RASAL2: variants seen among roughly 807,000 people sequenced by gnomAD.
RASAL2 encodes ras GTPase-activating protein nGAP.
A neutral mutation model predicts 128.9 loss-of-function variants in RASAL2; 58 were observed. The ratio of observed to expected loss-of-function variants is 0.45; its 90% CI spans 0.36 to 0.56. The LOEUF (loss-of-function observed/expected upper bound fraction) is 0.56. Ranked by LOEUF, RASAL2 falls within the 20% of genes least tolerant of loss-of-function variation. The pLI, the probability that RASAL2 is intolerant of heterozygous loss-of-function variation, is 0.00. For missense variants in RASAL2, 1,360 were observed against 1,601.6 expected, an observed-to-expected ratio of 0.85 and a Z score of 2.57; for synonymous variants, 561 against 580.8, an observed-to-expected ratio of 0.97 and a Z score of 0.49.
rs972260303 is a variant in RASAL2, at chr1:178,330,764, G to A, written c.457+30646G>A. The stretch of plus-strand genomic sequence containing the variant: ...GAAAAAAATACTATGTCAAATGGGG[G>A]GTGAATGATAAAAATCGCTCTCATT... On this transcript the variant is annotated intron_variant, in intron 3 of 17. Transcript: ENST00000367649. Among the ~76,000 whole-genome samples, 3 of 152,106 alleles carry A rather than the reference G, an allele frequency of 2.0e-5. No individual in the cohort carries two copies. The South Asian group carries it at 6.2e-4, about 32-fold the overall frequency.
rs1055539355 is a variant in RASAL2, at chr1:178,384,445, G to A, written c.458-5655G>A. 4.0e-5 allele frequency among the ~76,000 whole-genome samples: 6 copies of A among 151,834 alleles called. No individual in the cohort carries two copies. In the East Asian group the frequency reaches 5.8e-4, roughly 15 times the overall value. On this transcript the variant is annotated intron_variant, in intron 3 of 17. Coordinates refer to ENST00000367649, the MANE Select transcript of RASAL2 (RefSeq NM_170692.4). ...GAGTAATAATTGTTACTATCTCAGG[G>A]GCTACAGCAAAGATTAAGTAAGTTA...
chr1:178,381,493 G>A (rs1672284888), intron 3 of RASAL2, among the ~76,000 whole-genome samples: 1 of 152,152 alleles, frequency 6.6e-6, no homozygotes, highest in African/African-American at 2.4e-5. Flanking sequence ...GTGATGTTGA[G>A]TGTAAATGAT....
At chr1:178,382,511 G>A (rs1672339191) in intron 3 of RASAL2, among the ~76,000 whole-genome samples, 1 of 152,036 alleles carries the variant, frequency 6.6e-6, no homozygotes, top group Non-Finnish European at 1.5e-5. Flanking sequence ...ATGGAGAACA[G>A]GATAGAATGC....
Position 178,393,629 on chromosome 1 carries a change from C to A in RASAL2, c.564+3423C>A, listed in dbSNP as rs183111086. ...TGGTCCATGGCCCTGGGGTTGAGGA[C>A]CCCTGATCTATAGGAGAGTTTCTTC... is the stretch of plus-strand genomic sequence containing the variant. On this transcript the variant is annotated intron_variant, in intron 4 of 17. Transcript: ENST00000367649. Among the ~76,000 whole-genome samples the A allele has an allele frequency of 1.4e-4, 22 of 152,314 alleles. No individual in the cohort carries two copies. The Middle Eastern group carries it at 0.01, about 71-fold the overall frequency.
intron 12 of RASAL2, among the ~76,000 whole-genome samples, chr1:178,455,022 A>C (rs555916624): frequency 6.6e-6 from 1 of 152,142 alleles, no homozygotes; most frequent in Non-Finnish European, 1.5e-5. Flanking sequence ...GTATAGATTT[A>C]GCTAAGAAAA....
chr1:178,199,888 C>T (rs955093730), intron 1 of RASAL2, among the ~76,000 whole-genome samples: 9 of 152,090 alleles, frequency 5.9e-5, no homozygotes, highest in East Asian at 1.9e-4. Context: ...CAGCTGCCAG[C>T]GTGGCCAGAA....
chr1:178,300,886 T>C (rs1667734869), intron 3 of RASAL2, among the ~76,000 whole-genome samples: 1 of 152,214 alleles, frequency 6.6e-6, no homozygotes, highest in Admixed American at 6.5e-5. Context: ...TGGTGCTTTA[T>C]ATTGTTGTGT....
intron 3 of RASAL2, among the ~76,000 whole-genome samples, chr1:178,326,731 A>G: frequency 6.6e-6 from 1 of 151,998 alleles, no homozygotes; most frequent in Non-Finnish European, 1.5e-5. Flanking sequence ...TTTAGTAGAG[A>G]TGGGGTTTCT....
In RASAL2 at chr1:178,295,885, G is replaced by A. The variant is rs1341150443; in HGVS notation, c.331-4107G>A. 3.3e-5 allele frequency among the ~76,000 whole-genome samples: 5 copies of A among 152,144 alleles called. No individual in the cohort carries two copies. In the East Asian group the frequency reaches 9.6e-4, roughly 29 times the overall value. On this transcript the variant is annotated intron_variant, in intron 2 of 17. Transcript: ENST00000367649. ...ATCTTTTTAGCATTCTTTAGGAAAA[G>A]AAATAAGAAGAGCTTTCTGATGCTA...
chr1:178,337,413 A>T (rs977327935), intron 3 of RASAL2, among the ~76,000 whole-genome samples: 10 of 152,214 alleles, frequency 6.6e-5, no homozygotes, highest in African/African-American at 2.4e-4. Flanking sequence ...CATTCAAATG[A>T]TAAACAATGG....
intron 14 of RASAL2, among the ~76,000 whole-genome samples, chr1:178,460,434 A>AT (rs1678108776): frequency 6.6e-6 from 1 of 151,976 alleles, no homozygotes; most frequent in Non-Finnish European, 1.5e-5. Context: ...CATTTATAAC[A>AT]TTTTTTCTTT....
At chr1:178,327,524 G>GT (rs149504823) in intron 3 of RASAL2, among the ~76,000 whole-genome samples, 2,085 of 151,728 alleles carry the variant, frequency 0.014, 49 homozygotes, top group African/African-American at 0.047. Flanking sequence ...AATTTTTTGT[G>GT]TTTTTTTAAT....
chr1:178,308,207 A>T (rs991546960), intron 3 of RASAL2, among the ~76,000 whole-genome samples: 1 of 152,118 alleles, frequency 6.6e-6, no homozygotes, highest in Non-Finnish European at 1.5e-5. Flanking sequence ...ATAATTTAAC[A>T]TAGTATGCCT....
chr1:178,347,724 C>T (rs1670224722), intron 3 of RASAL2, among the ~76,000 whole-genome samples: 1 of 152,160 alleles, frequency 6.6e-6, no homozygotes, highest in Non-Finnish European at 1.5e-5. Flanking sequence ...TAAACTTGTA[C>T]AGTTACTTTG....
intron 1 of RASAL2, among the ~76,000 whole-genome samples, chr1:178,189,699 G>A (rs1320530617): frequency 3.9e-5 from 6 of 152,044 alleles, no homozygotes; most frequent in Non-Finnish European, 8.8e-5. Context: ...TCAAAAGTAT[G>A]GTGTATACAT....
intron 1 of RASAL2, among the ~76,000 whole-genome samples, chr1:178,173,567 C>T (rs1184372203): frequency 6.6e-6 from 1 of 151,996 alleles, no homozygotes; most frequent in Non-Finnish European, 1.5e-5. Flanking sequence ...AGATGATTTT[C>T]AGTAGATCTG....
intron 1 of RASAL2, among the ~76,000 whole-genome samples, chr1:178,126,132 T>C (rs1472505040): frequency 6.6e-6 from 1 of 152,182 alleles, no homozygotes; most frequent in African/African-American, 2.4e-5. Context: ...AAGATAAGTA[T>C]CTTGGACAAG....
intron 3 of RASAL2, among the ~76,000 whole-genome samples, chr1:178,355,349 T>C (rs1055862279): frequency 6.6e-6 from 1 of 152,206 alleles, no homozygotes; most frequent in Non-Finnish European, 1.5e-5. Context: ...ATTTTACTTA[T>C]GATAAAATTG....
intron 14 of RASAL2, among the ~76,000 whole-genome samples, chr1:178,460,432 A>G (rs1678107509): frequency 6.6e-6 from 1 of 152,178 alleles, no homozygotes; most frequent in Admixed American, 6.5e-5. Context: ...GTCATTTATA[A>G]CATTTTTTCT....
Sources: allele counts gnomAD v4.1 joint callset (sites outside exome capture counted in the v4.1 genomes callset), GRCh38; gene constraint gnomAD v4.1.1; transcripts MANE v1.5; gene names NCBI Gene and HGNC (gene_info 2026-07-23, HGNC 2026-07-21).